SLK: variants seen among roughly 807,000 people sequenced by gnomAD.
SLK encodes the protein STE20 like kinase.
SLK carries 67 observed loss-of-function variants against 147.7 expected under a neutral mutation model. That is an observed-to-expected ratio of 0.45 (90% CI 0.37 to 0.56). The LOEUF (loss-of-function observed/expected upper bound fraction) is 0.56, where lower values mean the gene tolerates loss of function less well. SLK is among the 20% of genes least tolerant of loss of function. The pLI is 0.00. For missense variants in SLK, 1,136 were observed against 1,438.8 expected, an observed-to-expected ratio of 0.79 and a Z score of 3.41; for synonymous variants, 441 against 475.0, an observed-to-expected ratio of 0.93 and a Z score of 0.93.
intron 1 of SLK, among the ~76,000 whole-genome samples, chr10:103,983,968 C>G (rs1843979428): frequency 6.6e-6 from 1 of 152,134 alleles, no homozygotes; most frequent in Non-Finnish European, 1.5e-5. Context: ...CCCTTTGTTC[C>G]CATAGTCCTA....
At chr10:103,978,139 T>C (rs1202312046) in intron 1 of SLK, among the ~76,000 whole-genome samples, 1 of 152,194 alleles carries the variant, frequency 6.6e-6, no homozygotes, top group Non-Finnish European at 1.5e-5. Context: ...TTGGAAATGT[T>C]AGTAATTTAG....
chr10:103,972,326 C>G (rs1404988125), intron 1 of SLK, among the ~76,000 whole-genome samples: 1 of 152,098 alleles, frequency 6.6e-6, no homozygotes, highest in African/African-American at 2.4e-5. Context: ...TTAATTTTAC[C>G]AGATGATGCC....
chr10:103,998,741 C>A (rs1455997961), intron 4 of SLK, among the ~76,000 whole-genome samples, 158 bp from the exon 5 acceptor site: 1 of 152,044 alleles, frequency 6.6e-6, no homozygotes, highest in South Asian at 2.1e-4. Flanking sequence ...AAGAGATGGT[C>A]AAGATTAAGA....
At chr10:103,978,640 A>G (rs541864550) in intron 1 of SLK, among the ~76,000 whole-genome samples, 1 of 152,308 alleles carries the variant, frequency 6.6e-6, no homozygotes, top group African/African-American at 2.4e-5. Flanking sequence ...GAAAAATGTC[A>G]AGACCAGGGC....
chr10:103,995,070 T>C (rs1001967625), intron 4 of SLK, among the ~76,000 whole-genome samples: 1 of 152,252 alleles, frequency 6.6e-6, no homozygotes, highest in Non-Finnish European at 1.5e-5. Context: ...ATGATTTTGA[T>C]ATAAACACCA....
intron 13 of SLK, among the ~76,000 whole-genome samples, chr10:104,012,472 A>G (rs1844412411): frequency 6.6e-6 from 1 of 152,116 alleles, no homozygotes; most frequent in African/African-American, 2.4e-5. Context: ...AGCATTTACT[A>G]TATGTCAGGC....
chr10:104,015,298 C>G lies in SLK; in HGVS notation c.2878-2862C>G, dbSNP rs1173818839. 2.0e-5 allele frequency among the ~76,000 whole-genome samples: 3 copies of G among 152,326 alleles called. No homozygotes were observed. In the East Asian group the frequency reaches 5.8e-4, roughly 29 times the overall value. ...TATCTTCACTTTTACCTGTTGATCCCTATCTTACTTCTGGAGCCACACAGT... is the reference window on the plus strand; with the variant it reads ...TATCTTCACTTTTACCTGTTGATCCGTATCTTACTTCTGGAGCCACACAGT... On this transcript the variant is annotated intron_variant, in intron 13 of 18. Transcript: ENST00000369755.
rs1402386164 is a variant in SLK, at chr10:104,018,242, C to T, written c.2960C>T (p.Ala987Val). 1 of 1,599,044 alleles carries T rather than the reference C, an allele frequency of 6.3e-7. No individual in the cohort carries two copies. The highest frequency in any genetic ancestry group is 2.2e-5 in the East Asian group (1 of 44,662). ...ATCCAGCAGCAGAAGGCAGAGTTAG[C>T]TAATATTGAGAGAGAGTGCCTGAAT... ...KIIQQQKAEL[A>V]NIERECLNNK... Residue 987 changes from alanine (A) to valine (V), a missense_variant, in exon 14 of 19, where the codon GCT (alanine) becomes GTT (valine). Ala to Val is a moderately conservative substitution (Grantham distance 64). Transcript: ENST00000369755.
chr10:103,992,670 G>A (rs768147513), intron 3 of SLK, 24 bp downstream of exon 3: 2 of 1,578,808 alleles, frequency 1.3e-6, no homozygotes, highest in South Asian at 2.3e-5. Context: ...TGTTCTTTCT[G>A]TTCATATCTT....
chr10:103,975,072 T>C (rs1843851689), intron 1 of SLK, among the ~76,000 whole-genome samples: 1 of 151,884 alleles, frequency 6.6e-6, no homozygotes, highest in Non-Finnish European at 1.5e-5. Context: ...CTTTAAGGTG[T>C]GGGAATTCCA....
intron 1 of SLK, among the ~76,000 whole-genome samples, chr10:103,968,466 G>C (rs555448087): frequency 6.6e-6 from 1 of 152,292 alleles, no homozygotes; most frequent in Non-Finnish European, 1.5e-5. Flanking sequence ...TGTGGTACTA[G>C]TTTTAAATAT....
At position 104,002,491 on chromosome 10, in the gene SLK, A is replaced by T. The variant is rs201945425; in HGVS notation, c.1313A>T (p.Asp438Val). The T allele has an allele frequency of 5.6e-6, 9 of 1,613,596 alleles. No individual in the cohort carries two copies. The highest frequency in any genetic ancestry group is 1.1e-5 in the South Asian group (1 of 91,072). ...PKLENLPDTE[D>V]QETVDINSVS... ...CTTGAAAATCTGCCTGACACAGAAG[A>T]CCAAGAAACTGTGGACATTAATTCA... The change falls in exon 9 of 19, where the codon GAC (aspartate) becomes GTC (valine). Residue 438 changes from aspartate (D) to valine (V), a missense_variant. Physicochemically the swap from Asp to Val is radical, Grantham distance 152 (BLOSUM62 -3). Transcript: ENST00000369755.
chr10:103,973,298 C>G (rs922964446), intron 1 of SLK, among the ~76,000 whole-genome samples: 2 of 152,120 alleles, frequency 1.3e-5, no homozygotes, highest in East Asian at 3.8e-4. Context: ...AAAATAATTC[C>G]CCACTGCTCT....
intron 13 of SLK, among the ~76,000 whole-genome samples, chr10:104,011,146 C>T (rs1351388770): frequency 6.6e-6 from 1 of 152,054 alleles, no homozygotes; most frequent in Non-Finnish European, 1.5e-5. Context: ...ATGAAATAAA[C>T]AAGTATATGA....
At chr10:104,002,035 G>A (rs805656) in intron 8 of SLK, 137 bp from the exon 9 acceptor site, 698,493 of 705,662 alleles carry the variant, frequency 0.99, 346,020 homozygotes, top group East Asian at 1. Flanking sequence ...TATATTTCTT[G>A]TGAGAAGAAT....
intron 1 of SLK, among the ~76,000 whole-genome samples, chr10:103,985,597 CTT>C (rs1352746735): frequency 6.6e-6 from 1 of 151,910 alleles, no homozygotes; most frequent in East Asian, 1.9e-4. Flanking sequence ...TTGTATTTAT[CTT>C]ACATATTTTT....
In SLK at chr10:103,967,894, A is replaced by G. The variant is rs201954327; in HGVS notation, c.149A>G (p.Lys50Arg). The G allele has an allele frequency of 1.3e-6, 2 of 1,573,694 alleles. No homozygotes were observed. The highest frequency in any genetic ancestry group is 1.7e-6 in the Non-Finnish European group (2 of 1,157,898). ...LGDGAFGKVY[K>R]AQNKETSVLA... The stretch of plus-strand genomic sequence containing the variant: ...GACGGAGCCTTTGGGAAAGTGTACA[A>G]GGTAAGAGGGGGAAAACGGGAAGTT... Residue 50 changes from lysine to arginine, a missense_variant and splice_region_variant, in exon 1 of 19, where the codon AAG becomes AGG. Around this residue, in one of 6 missense-constraint regions of SLK, gnomAD observed 126 missense variants for 141.3 expected, o/e 0.89. Coordinates refer to ENST00000369755, the MANE Select transcript of SLK (RefSeq NM_014720.4).
intron 9 of SLK, among the ~76,000 whole-genome samples, chr10:104,005,201 A>G (rs1426588728): frequency 6.6e-6 from 1 of 152,164 alleles, no homozygotes; most frequent in Non-Finnish European, 1.5e-5. Flanking sequence ...GAAACTACAA[A>G]TTGAAAAGAT....
chr10:103,988,671 A>G (rs1239085086), intron 1 of SLK, among the ~76,000 whole-genome samples: 1 of 152,164 alleles, frequency 6.6e-6, no homozygotes, highest in African/African-American at 2.4e-5. Flanking sequence ...ATCCTCCTTT[A>G]AAGTAGAGGT....
Sources: allele counts gnomAD v4.1 joint callset (sites outside exome capture counted in the v4.1 genomes callset), GRCh38; gene constraint gnomAD v4.1.1; regional missense constraint gnomAD v4.1.1; transcripts MANE v1.5; gene names NCBI Gene and HGNC (gene_info 2026-07-23, HGNC 2026-07-21).